Variants in RALYL observed in about 807,000 individuals in gnomAD.
The protein encoded by RALYL is RALY RNA binding protein like, also known as RNA-binding Raly-like protein.
RALYL carries 29 observed loss-of-function variants against 35.1 expected under a neutral mutation model. That is an observed-to-expected ratio of 0.83 (90% CI 0.61 to 1.13). The LOEUF (loss-of-function observed/expected upper bound fraction) is 1.13, where lower values mean the gene tolerates loss of function less well. RALYL is among the 50% of genes most tolerant of loss of function. The pLI is 0.00. For synonymous variants in RALYL, 120 were observed against 127.6 expected (o/e 0.94, Z 0.40); for missense variants, 359 against 360.4 (o/e 1.00, Z 0.03).
intron 2 of RALYL, among the ~76,000 whole-genome samples, chr8:84,757,094 A>G (rs1481458464): frequency 6.6e-6 from 1 of 152,096 alleles, no homozygotes; most frequent in African/African-American, 2.4e-5. Context: ...AGAATTCCAT[A>G]TTTCTCCATG....
chr8:84,320,481 T>C (rs544833966), intron 1 of RALYL, among the ~76,000 whole-genome samples: 1 of 151,988 alleles, frequency 6.6e-6, no homozygotes, highest in Non-Finnish European at 1.5e-5. Context: ...TATTAAAAAA[T>C]TCATTGTAAT....
chr8:84,238,128 G>A (rs931363185), intron 1 of RALYL, among the ~76,000 whole-genome samples: 8 of 152,154 alleles, frequency 5.3e-5, no homozygotes, highest in South Asian at 2.1e-4. Flanking sequence ...AAAATATTTT[G>A]TAGAATGACC....
chr8:84,529,261 T>C, intron 1 of RALYL, 38 bp from the exon 2 acceptor site: 1 of 1,543,010 alleles, frequency 6.5e-7, no homozygotes, highest in Non-Finnish European at 8.8e-7. Flanking sequence ...GATTTACCTT[T>C]TGATTATTTG....
At chr8:84,734,583 G>A (rs1451001789) in intron 2 of RALYL, among the ~76,000 whole-genome samples, 12 of 152,198 alleles carry the variant, frequency 7.9e-5, no homozygotes, top group African/African-American at 2.4e-4. Context: ...GTCCTAGAAT[G>A]CTAAAATGCA....
intron 2 of RALYL, among the ~76,000 whole-genome samples, chr8:84,542,197 A>C (rs1247399118): frequency 1.3e-5 from 2 of 152,024 alleles, no homozygotes; most frequent in Non-Finnish European, 1.5e-5. Flanking sequence ...TACTGTATAC[A>C]TCTCAGCTTA....
chr8:84,799,679 G>A (rs1387664613), intron 3 of RALYL, among the ~76,000 whole-genome samples: 2 of 152,216 alleles, frequency 1.3e-5, no homozygotes, highest in Non-Finnish European at 2.9e-5. Flanking sequence ...AGGAAGGGCC[G>A]GGTGCGCTGG....
chr8:84,307,524 T>C (rs1842053267), intron 1 of RALYL, among the ~76,000 whole-genome samples: 1 of 152,212 alleles, frequency 6.6e-6, no homozygotes, highest in Non-Finnish European at 1.5e-5. Flanking sequence ...AATTATTTCA[T>C]TGATTAAAGT....
chr8:84,892,800 C>G (rs1285433833), intron 8 of RALYL, among the ~76,000 whole-genome samples: 7 of 151,852 alleles, frequency 4.6e-5, no homozygotes. Flanking sequence ...AGCAGCCAGC[C>G]AAGACTAAAA....
intron 2 of RALYL, among the ~76,000 whole-genome samples, chr8:84,633,232 G>A (rs940843813): frequency 2.0e-5 from 3 of 151,710 alleles, no homozygotes; most frequent in Non-Finnish European, 4.4e-5. Flanking sequence ...TATTCAGAAT[G>A]TCCTGGTTCA....
At chr8:84,882,413 C>T (rs924692252) in intron 7 of RALYL, among the ~76,000 whole-genome samples, 3 of 151,940 alleles carry the variant, frequency 2.0e-5, no homozygotes, top group Admixed American at 6.6e-5. Context: ...TCAGACCTCA[C>T]ATTTTACTTT....
intron 1 of RALYL, among the ~76,000 whole-genome samples, chr8:84,353,403 C>A (rs1382684426): frequency 6.6e-6 from 1 of 150,398 alleles, no homozygotes; most frequent in East Asian, 1.9e-4. Flanking sequence ...TCCCACAGAT[C>A]ACCTGCCACA....
chr8:84,728,847 T>C (rs966358016), intron 2 of RALYL, among the ~76,000 whole-genome samples: 1 of 152,224 alleles, frequency 6.6e-6, no homozygotes, highest in Non-Finnish European at 1.5e-5. Flanking sequence ...TCTGTTTTGG[T>C]ACCAGTACCA....
intron 1 of RALYL, among the ~76,000 whole-genome samples, chr8:84,310,770 G>A (rs558921829): frequency 1.1e-4 from 15 of 138,206 alleles, no homozygotes; most frequent in South Asian, 8.4e-4. Flanking sequence ...ATATTAGGCC[G>A]GGTGCGGTGG....
At chr8:84,547,516 A>G (rs1337116837) in intron 2 of RALYL, among the ~76,000 whole-genome samples, 3 of 151,982 alleles carry the variant, frequency 2.0e-5, no homozygotes, top group Non-Finnish European at 4.4e-5. Context: ...AGGAGCTGGG[A>G]CTACAAGTAC....
chr8:84,378,354 T>G (rs1857323157), intron 1 of RALYL, among the ~76,000 whole-genome samples: 2 of 151,924 alleles, frequency 1.3e-5, no homozygotes, highest in Non-Finnish European at 2.9e-5. Flanking sequence ...TTAGACAAAC[T>G]CTTATTTCCA....
chr8:84,390,252 T>G (rs960336569), intron 1 of RALYL, among the ~76,000 whole-genome samples: 2 of 152,168 alleles, frequency 1.3e-5, no homozygotes, highest in Non-Finnish European at 2.9e-5. Context: ...GCCAGTATTT[T>G]ATTGAGGATT....
intron 1 of RALYL, among the ~76,000 whole-genome samples, chr8:84,507,358 T>C (rs2057263178): frequency 6.6e-6 from 1 of 152,130 alleles, no homozygotes; most frequent in African/African-American, 2.4e-5. Flanking sequence ...ATTAATTATT[T>C]AATTACTAGA....
chr8:84,703,430 T>C (rs988497364), intron 2 of RALYL, among the ~76,000 whole-genome samples: 1 of 152,134 alleles, frequency 6.6e-6, no homozygotes, highest in Non-Finnish European at 1.5e-5. Context: ...TTTGTTTTAG[T>C]GTGTATCTGT....
intron 1 of RALYL, among the ~76,000 whole-genome samples, chr8:84,220,577 AT>A (rs746352341): frequency 5.9e-5 from 9 of 152,022 alleles, no homozygotes; most frequent in Non-Finnish European, 1.2e-4. Context: ...CAATTTCCAA[AT>A]GTCTTCCTGA....
Sources: gnomAD v4.1 joint callset for allele counts (sites outside exome capture counted in the v4.1 genomes callset) on GRCh38, gnomAD v4.1.1 for gene constraint, MANE v1.5 for transcripts, NCBI Gene and HGNC (gene_info 2026-07-23, HGNC 2026-07-21) for gene names.